DLG2: variants seen among roughly 807,000 people sequenced by gnomAD.
DLG2 encodes the protein discs large MAGUK scaffold protein 2, also known as disks large homolog 2.
A neutral mutation model predicts 132.5 loss-of-function variants in DLG2; 45 were observed. That is an observed-to-expected ratio of 0.34 (90% CI 0.27 to 0.44). The LOEUF is 0.44. DLG2 is among the 20% of genes least tolerant of loss of function. The pLI is 1.00. For synonymous variants in DLG2, 424 were observed against 419.6 expected (o/e 1.01, Z -0.13); for missense variants, 1,045 against 1,196.9 (o/e 0.87, Z 1.87).
intron 6 of DLG2, among the ~76,000 whole-genome samples, chr11:84,791,003 T>A (rs1222190450): frequency 6.6e-6 from 1 of 152,190 alleles, no homozygotes; most frequent in Admixed American, 6.5e-5. Flanking sequence ...AACTTATAAG[T>A]GACTCACAGT....
intron 20 of DLG2, among the ~76,000 whole-genome samples, chr11:83,538,516 T>G (rs2095959102): frequency 1.3e-5 from 2 of 152,220 alleles, no homozygotes; most frequent in South Asian, 4.1e-4. Flanking sequence ...TAGGGTAGTT[T>G]GTTCCTGGTG....
At chr11:85,549,909 T>G (rs1423608569) in intron 3 of DLG2, among the ~76,000 whole-genome samples, 1 of 152,168 alleles carries the variant, frequency 6.6e-6, no homozygotes, top group African/African-American at 2.4e-5. Flanking sequence ...GAACCCTCAG[T>G]TCTGGGAATT....
chr11:83,588,824 C>T (rs1450297695), intron 19 of DLG2, among the ~76,000 whole-genome samples: 1 of 152,034 alleles, frequency 6.6e-6, no homozygotes, highest in African/African-American at 2.4e-5. Context: ...AACCAAGGCT[C>T]GAGATCTACA....
intron 19 of DLG2, among the ~76,000 whole-genome samples, chr11:83,544,183 T>C (rs927163312): frequency 2.0e-5 from 3 of 152,160 alleles, no homozygotes; most frequent in African/African-American, 7.2e-5. Flanking sequence ...TTGCAGCTAA[T>C]TTTTTCCAGA....
intron 3 of DLG2, among the ~76,000 whole-genome samples, chr11:85,450,182 T>C (rs555508454): frequency 6.6e-6 from 1 of 152,166 alleles, no homozygotes; most frequent in South Asian, 2.1e-4. Flanking sequence ...GCAGCCTTTG[T>C]GGTTATCAAT....
chr11:83,583,220 T>C (rs1391688864), intron 19 of DLG2, among the ~76,000 whole-genome samples: 1 of 152,274 alleles, frequency 6.6e-6, no homozygotes. Flanking sequence ...CTTTGAATGC[T>C]AAATATTCAA....
chr11:84,174,464 G>T (rs560870841), intron 8 of DLG2, among the ~76,000 whole-genome samples: 6 of 152,148 alleles, frequency 3.9e-5, no homozygotes, highest in Admixed American at 2.6e-4. Context: ...CTTCAAAAAC[G>T]TTTTCTAGCC....
At chr11:84,793,744 A>G (rs893264457) in intron 6 of DLG2, among the ~76,000 whole-genome samples, 3 of 151,988 alleles carry the variant, frequency 2.0e-5, no homozygotes, top group African/African-American at 7.3e-5. Flanking sequence ...TTTGGTTTCC[A>G]TTAGCATGGA....
At chr11:85,514,185 T>C (rs2094131393) in intron 3 of DLG2, among the ~76,000 whole-genome samples, 1 of 152,012 alleles carries the variant, frequency 6.6e-6, no homozygotes, top group African/African-American at 2.4e-5. Context: ...AGATGCATTA[T>C]AAACACTGTC....
At chr11:85,438,795 G>A (rs929030468) in intron 3 of DLG2, among the ~76,000 whole-genome samples, 2 of 152,064 alleles carry the variant, frequency 1.3e-5, no homozygotes, top group East Asian at 1.9e-4. Flanking sequence ...CAGCTGAATC[G>A]CAAGGACACC....
chr11:84,830,966 C>A (rs946617023), intron 6 of DLG2, among the ~76,000 whole-genome samples: 1 of 113,300 alleles, frequency 8.8e-6, no homozygotes, highest in Admixed American at 1.0e-4. Context: ...CCACCCCCCC[C>A]AGCTCTGTCT....
At chr11:84,502,378 C>A (rs908359027) in intron 7 of DLG2, among the ~76,000 whole-genome samples, 1 of 87,298 alleles carries the variant, frequency 1.1e-5, no homozygotes, top group Non-Finnish European at 2.1e-5. Flanking sequence ...TTCTTTCTTT[C>A]TTTCTTTCTT....
chr11:84,276,294 A>G (rs1264627673), intron 7 of DLG2, among the ~76,000 whole-genome samples: 2 of 152,202 alleles, frequency 1.3e-5, no homozygotes, highest in Admixed American at 1.3e-4. Context: ...AGGTTATATT[A>G]CTTATTATTT....
chr11:85,030,409 T>C (rs1566688747), intron 6 of DLG2, among the ~76,000 whole-genome samples: 1 of 152,220 alleles, frequency 6.6e-6, no homozygotes. Flanking sequence ...CTACATATAA[T>C]GCTAAATTTT....
In DLG2 at chr11:84,243,065, G is replaced by A. The variant is rs184458156; in HGVS notation, c.573+8173C>T. 6.0e-4 allele frequency among the ~76,000 whole-genome samples: 89 copies of A among 149,534 alleles called. 1 individual carries two copies. Among genetic ancestry groups the A allele is most frequent in the Admixed American group, 4.3e-3 (64 of 15,016 alleles). On this transcript the variant is annotated intron_variant, in intron 8 of 27. Transcript: ENST00000376104. ...CACTCTCACATATAAAGAACCTAGAGTATAATCATTTCTTGATAACAAATT... is the reference window on the plus strand; with the variant it reads ...CACTCTCACATATAAAGAACCTAGAATATAATCATTTCTTGATAACAAATT...
chr11:84,723,974 TGTTATA>T (rs2062115126), intron 6 of DLG2, among the ~76,000 whole-genome samples: 1 of 152,218 alleles, frequency 6.6e-6, no homozygotes, highest in African/African-American at 2.4e-5. Context: ...TATTTATTAT[TGTTATA>T]CTTAATCAGA....
chr11:84,902,702 G>C (rs1407985807), intron 6 of DLG2, among the ~76,000 whole-genome samples: 1 of 152,126 alleles, frequency 6.6e-6, no homozygotes, highest in Non-Finnish European at 1.5e-5. Flanking sequence ...ATGCAGACTG[G>C]CATGTATAGC....
chr11:84,207,381 A>G (rs1461721410), intron 8 of DLG2, among the ~76,000 whole-genome samples: 1 of 152,098 alleles, frequency 6.6e-6, no homozygotes, highest in East Asian at 1.9e-4. Context: ...GCACTACTTG[A>G]CTTTAATATT....
chr11:85,153,511 G>A (rs993352605), intron 5 of DLG2, among the ~76,000 whole-genome samples: 1 of 151,952 alleles, frequency 6.6e-6, no homozygotes, highest in Non-Finnish European at 1.5e-5. Context: ...TTCTCACTAG[G>A]ACTCTGGAAT....
Sources: gnomAD v4.1 joint callset for allele counts (sites outside exome capture counted in the v4.1 genomes callset) on GRCh38, gnomAD v4.1.1 for gene constraint, MANE v1.5 for transcripts, NCBI Gene and HGNC (gene_info 2026-07-23, HGNC 2026-07-21) for gene names.